Variants in GGACT observed in about 807,000 individuals in gnomAD.
The protein encoded by GGACT is gamma-glutamylamine cyclotransferase, also known as gamma-glutamylaminecyclotransferase.
For synonymous variants in GGACT, 118 were observed against 115.3 expected (o/e 1.02, Z -0.15); for missense variants, 241 against 233.2 (o/e 1.03, Z -0.22).
At chr13:100,576,926 T>A (rs1157845045) in intron 2 of GGACT, among the ~76,000 whole-genome samples, 1 of 152,156 alleles carries the variant, frequency 6.6e-6, no homozygotes, top group African/African-American at 2.4e-5. Context: ...AACTTAATAA[T>A]AATGAATGAA....
At position 100,531,338 on chromosome 13, in the gene GGACT, G is replaced by GACTC. The variant is rs1333177963; in HGVS notation, c.*788_*791dup. The GACTC allele has an allele frequency of 1.3e-5, 2 of 152,224 alleles. No homozygotes were observed. The highest frequency in any genetic ancestry group is 4.8e-5 in the African/African-American group (2 of 41,430). The allele number at this position is 152,224 out of a possible 1,614,324, so 9.4% of individuals were successfully genotyped here. On this transcript the variant is annotated 3_prime_UTR_variant, in exon 3 of 3. Transcript: ENST00000683975. ...TAATGCATTGGCTCTTCTTTGAAAG[G>GACTC]ACTCACCCCCAAATGCTCTCCCTTC... is the stretch of plus-strand genomic sequence containing the variant.
At chr13:100,543,448 C>T (rs1415515219) in intron 2 of GGACT, among the ~76,000 whole-genome samples, 9 of 152,062 alleles carry the variant, frequency 5.9e-5, no homozygotes, top group African/African-American at 1.7e-4. Flanking sequence ...CCTTGTGATC[C>T]GCCCACCTCG....
rs140933879 is a variant in GGACT, at chr13:100,554,599, T to C, written c.-10-21998A>G. On this transcript the variant is annotated intron_variant, in intron 2 of 2. Coordinates refer to ENST00000683975, the MANE Select transcript of GGACT (RefSeq NM_001195087.2). ...TCACGATTAATATTTTAAGGTATGG[T>C]AATGGCATTGTGGTCCTGTAAGAAA... 8.5e-3 allele frequency among the ~76,000 whole-genome samples: 1,298 copies of C among 152,296 alleles called. 18 individuals are homozygous for C. Among genetic ancestry groups the C allele is most frequent in the African/African-American group, 0.029 (1,187 of 41,556 alleles).
rs1232731328 is a variant in GGACT at position 100,540,183 on chromosome 13, G to C, written c.-10-7582C>G. On this transcript the variant is annotated intron_variant, in intron 2 of 2. Coordinates refer to ENST00000683975, the MANE Select transcript of GGACT (RefSeq NM_001195087.2). ...GCACGCATCGGGCACAGTTAGTGCA[G>C]CGAATAGGCTGCACGTGGCCGCGGC... The C allele has an allele frequency of 1.9e-6, 3 of 1,556,290 alleles. No homozygotes were observed. The Admixed American group carries it at 5.0e-5, about 26-fold the overall frequency.
At chr13:100,564,250 C>G (rs193205165) in intron 2 of GGACT, among the ~76,000 whole-genome samples, 1 of 152,272 alleles carries the variant, frequency 6.6e-6, no homozygotes, top group East Asian at 1.9e-4. Flanking sequence ...AAGGGTCTAT[C>G]TGTTTTACAG....
At chr13:100,548,812 A>G (rs2088631313) in intron 2 of GGACT, among the ~76,000 whole-genome samples, 1 of 152,288 alleles carries the variant, frequency 6.6e-6, no homozygotes, top group African/African-American at 2.4e-5. Context: ...AGCAAGGCAA[A>G]GCCACAACAG....
In GGACT at chr13:100,583,500, A is replaced by G. The variant is rs372576099; in HGVS notation, c.-11+325T>C. 2.4e-4 allele frequency among the ~76,000 whole-genome samples: 36 copies of G among 152,300 alleles called. No homozygotes were observed. The East Asian group carries it at 6.4e-3, about 27-fold the overall frequency. ...GAAGAAATGAATATACACTTTCTCT[A>G]CTATTCTTTCCTTCCCTTTCCCTCC... On this transcript the variant is annotated intron_variant, in intron 2 of 2. Coordinates refer to ENST00000683975, the MANE Select transcript of GGACT (RefSeq NM_001195087.2).
At chr13:100,565,499 C>T (rs1360983284) in intron 2 of GGACT, among the ~76,000 whole-genome samples, 2 of 151,630 alleles carry the variant, frequency 1.3e-5, no homozygotes, top group African/African-American at 2.4e-5. Flanking sequence ...GAAACGAGGT[C>T]GCTGCCTTGT....
intron 2 of GGACT, chr13:100,536,296 C>G (rs532646687): frequency 1.3e-5 from 2 of 152,214 alleles, no homozygotes; most frequent in South Asian, 4.2e-4. Context: ...TATCCTGGAT[C>G]ACGGGGGCAT....
At chr13:100,553,515 C>T (rs2088684862) in intron 2 of GGACT, among the ~76,000 whole-genome samples, 1 of 152,116 alleles carries the variant, frequency 6.6e-6, no homozygotes, top group African/African-American at 2.4e-5. Context: ...AGCGGCCAGA[C>T]AAGGGCACAC....
At chr13:100,577,102 A>G (rs1875269223) in intron 2 of GGACT, among the ~76,000 whole-genome samples, 1 of 152,218 alleles carries the variant, frequency 6.6e-6, no homozygotes, top group Non-Finnish European at 1.5e-5. Flanking sequence ...TGACTTGAAT[A>G]AACCAACTGT....
chr13:100,554,604 G>A lies in GGACT; in HGVS notation c.-10-22003C>T, dbSNP rs144694675. Among the ~76,000 whole-genome samples, 89 of 152,284 alleles carry A rather than the reference G, an allele frequency of 5.8e-4. No homozygotes were observed. The East Asian group carries it at 0.013, about 22-fold the overall frequency. ...ATTAATATTTTAAGGTATGGTAATG[G>A]CATTGTGGTCCTGTAAGAAAATATC... On this transcript the variant is annotated intron_variant, in intron 2 of 2. Transcript: ENST00000683975.
In GGACT at chr13:100,562,693, G is replaced by A. The variant is rs150778879; in HGVS notation, c.-11+21132C>T. On this transcript the variant is annotated intron_variant, in intron 2 of 2. Transcript: ENST00000683975. ...TGCCGGTAATCCCAGCTACTTGGGA[G>A]GCTGAGGCACGAGAATCACTTGAAC... Among the ~76,000 whole-genome samples the A allele has an allele frequency of 1.2e-3, 185 of 152,148 alleles. 2 individuals carry two copies. The East Asian group carries it at 0.033, about 27-fold the overall frequency.
chr13:100,550,764 C>G (rs1246689379), intron 2 of GGACT, among the ~76,000 whole-genome samples: 1 of 152,168 alleles, frequency 6.6e-6, no homozygotes, highest in Non-Finnish European at 1.5e-5. Context: ...GGCGCTTTCT[C>G]CAATCCACTC....
chr13:100,573,888 A>AG (rs565629280), intron 2 of GGACT, among the ~76,000 whole-genome samples: 2 of 136,984 alleles, frequency 1.5e-5, no homozygotes, highest in Non-Finnish European at 3.2e-5. Context: ...AAAAGTCAAA[A>AG]AAAAAAAAAA....
chr13:100,551,404 G>T (rs1032097142), intron 2 of GGACT, among the ~76,000 whole-genome samples: 1 of 152,184 alleles, frequency 6.6e-6, no homozygotes, highest in Non-Finnish European at 1.5e-5. Context: ...AGGGACCAGC[G>T]CCCGTGGCAA....
At chr13:100,575,681 T>C (rs1875228205) in intron 2 of GGACT, among the ~76,000 whole-genome samples, 1 of 152,144 alleles carries the variant, frequency 6.6e-6, no homozygotes, top group East Asian at 1.9e-4. Flanking sequence ...GGAGGATCAC[T>C]TGAGCCCAGG....
intron 2 of GGACT, among the ~76,000 whole-genome samples, chr13:100,577,708 T>G (rs1332960568): frequency 6.6e-6 from 1 of 151,524 alleles, no homozygotes; most frequent in Non-Finnish European, 1.5e-5. Context: ...TGATCCCGGG[T>G]GGGTGGCACA....
At chr13:100,570,991 G>A (rs1012097522) in intron 2 of GGACT, among the ~76,000 whole-genome samples, 1 of 152,046 alleles carries the variant, frequency 6.6e-6, no homozygotes, top group African/African-American at 2.4e-5. Flanking sequence ...GACCCCCTAT[G>A]AGGACAGTTT....
Sources: gnomAD v4.1 joint callset for allele counts (sites outside exome capture counted in the v4.1 genomes callset) on GRCh38, gnomAD v4.1.1 for gene constraint, MANE v1.5 for transcripts, NCBI Gene and HGNC (gene_info 2026-07-23, HGNC 2026-07-21) for gene names.